The following KDM4C variants were observed in gnomAD, a reference collection of about 807,000 sequenced individuals.
The protein encoded by KDM4C is lysine-specific demethylase 4C.
Under a neutral mutation model 129.3 loss-of-function variants are expected in KDM4C, and 81 were observed. The ratio of observed to expected loss-of-function variants is 0.63; its 90% CI spans 0.52 to 0.75. The LOEUF (loss-of-function observed/expected upper bound fraction) is 0.75, where lower values mean the gene tolerates loss of function less well. Among genes scored for constraint, KDM4C ranks in the 30% least tolerant of loss-of-function variants. KDM4C has a pLI of 0.00. For synonymous variants in KDM4C, 573 were observed against 456.1 expected (o/e 1.26, Z -3.26); for missense variants, 1,457 against 1,304.0 (o/e 1.12, Z -1.81).
chr9:7,161,422 G>T (rs1169727081), intron 19 of KDM4C, among the ~76,000 whole-genome samples: 2 of 152,184 alleles, frequency 1.3e-5, no homozygotes, highest in Non-Finnish European at 2.9e-5. Context: ...CAATCACGCT[G>T]AGAGCTGCAG....
chr9:6,815,880 T>C (rs1831994366), intron 4 of KDM4C, among the ~76,000 whole-genome samples: 1 of 152,244 alleles, frequency 6.6e-6, no homozygotes, highest in Admixed American at 6.5e-5. Context: ...TTTGTGTCTC[T>C]TTATCTCTGT....
At chr9:6,767,142 T>TC (rs961669451) in intron 1 of KDM4C, among the ~76,000 whole-genome samples, 4 of 152,208 alleles carry the variant, frequency 2.6e-5, no homozygotes, top group African/African-American at 9.6e-5. Context: ...TTTTGCTTTT[T>TC]TTTTATTCTT....
At chr9:7,017,086 C>T (rs893849320) in intron 15 of KDM4C, among the ~76,000 whole-genome samples, 4 of 152,150 alleles carry the variant, frequency 2.6e-5, no homozygotes, top group Non-Finnish European at 4.4e-5. Context: ...CAGGCATGCG[C>T]CACCATGCCT....
At chr9:6,925,502 C>G in intron 8 of KDM4C, 3 of 844,990 alleles carry the variant, frequency 3.6e-6, no homozygotes, top group Non-Finnish European at 4.3e-6. Flanking sequence ...CACCATCTTG[C>G]TCATGCTGCT....
At chr9:7,046,407 C>T (rs1013892201) in intron 15 of KDM4C, among the ~76,000 whole-genome samples, 13 of 152,018 alleles carry the variant, frequency 8.6e-5, no homozygotes, top group African/African-American at 3.1e-4. Context: ...TCTTGCTTAT[C>T]CTTGTAGTAG....
chr9:7,097,197 A>G (rs552870544), intron 17 of KDM4C, among the ~76,000 whole-genome samples: 117 of 152,296 alleles, frequency 7.7e-4, no homozygotes, highest in African/African-American at 2.7e-3. Context: ...TCTCTGAGCC[A>G]TGAGGCAGGC....
At chr9:7,101,267 A>C (rs1342215083) in intron 17 of KDM4C, among the ~76,000 whole-genome samples, 1 of 152,192 alleles carries the variant, frequency 6.6e-6, no homozygotes, top group Admixed American at 6.5e-5. Flanking sequence ...AGATGTCTTT[A>C]ACCTACTAGA....
At chr9:7,083,153 T>C (rs1432141689) in intron 17 of KDM4C, among the ~76,000 whole-genome samples, 1 of 152,224 alleles carries the variant, frequency 6.6e-6, no homozygotes, top group Non-Finnish European at 1.5e-5. Context: ...CATATACACA[T>C]TGAGGTTGAG....
intron 2 of KDM4C, among the ~76,000 whole-genome samples, chr9:6,795,718 C>G (rs1368125066): frequency 6.6e-6 from 1 of 151,190 alleles, no homozygotes; most frequent in East Asian, 1.9e-4. Context: ...GTCACCCAAG[C>G]TGGAGTGCAG....
chr9:6,870,672 A>G (rs186327507), intron 5 of KDM4C, among the ~76,000 whole-genome samples: 205 of 152,086 alleles, frequency 1.3e-3, no homozygotes, highest in African/African-American at 4.6e-3. Context: ...TATGCGAGGA[A>G]TGGGGCCGGG....
intron 3 of KDM4C, among the ~76,000 whole-genome samples, chr9:6,807,683 C>T (rs567950745): frequency 4.8e-5 from 7 of 146,780 alleles, no homozygotes; most frequent in Non-Finnish European, 9.0e-5. Context: ...CCCATCCGCC[C>T]GGCAGCTGCC....
intron 18 of KDM4C, among the ~76,000 whole-genome samples, chr9:7,112,913 A>G (rs147736618): frequency 9.5e-4 from 145 of 152,260 alleles, no homozygotes; most frequent in African/African-American, 3.4e-3. Context: ...TTTTTCCTTT[A>G]ACAATTTGGA....
At chr9:7,035,848 C>G (rs1282290084) in intron 15 of KDM4C, among the ~76,000 whole-genome samples, 1 of 152,124 alleles carries the variant, frequency 6.6e-6, no homozygotes, top group African/African-American at 2.4e-5. Context: ...ATGTATGTGT[C>G]TGTTTTTATG....
At chr9:6,954,033 C>G (rs1828635321) in intron 8 of KDM4C, among the ~76,000 whole-genome samples, 1 of 152,180 alleles carries the variant, frequency 6.6e-6, no homozygotes. Context: ...GCGCATAGGA[C>G]TTCTTTGCTT....
intron 1 of KDM4C, among the ~76,000 whole-genome samples, chr9:6,731,381 C>A (rs1323210226): frequency 7.5e-6 from 1 of 133,114 alleles, no homozygotes; most frequent in African/African-American, 2.8e-5. Flanking sequence ...GGCTGGAGTG[C>A]AATGGCACGA....
At chr9:7,041,001 C>T (rs1198075155) in intron 15 of KDM4C, among the ~76,000 whole-genome samples, 2 of 150,970 alleles carry the variant, frequency 1.3e-5, no homozygotes, top group African/African-American at 2.4e-5. Flanking sequence ...CCTTTTAGTA[C>T]TCCAATTATA....
intron 17 of KDM4C, among the ~76,000 whole-genome samples, chr9:7,073,970 T>C (rs1447718485): frequency 3.3e-5 from 5 of 152,206 alleles, no homozygotes; most frequent in Non-Finnish European, 1.5e-5. Context: ...ATGGGTTTTG[T>C]TAACCAGAAA....
chr9:7,068,156 G>T (rs1832700465), intron 17 of KDM4C, among the ~76,000 whole-genome samples: 1 of 152,154 alleles, frequency 6.6e-6, no homozygotes, highest in Non-Finnish European at 1.5e-5. Context: ...TTACCATGCT[G>T]TGTTAGATTT....
chr9:7,162,694 A>G (rs1356849743), intron 19 of KDM4C, among the ~76,000 whole-genome samples: 1 of 152,116 alleles, frequency 6.6e-6, no homozygotes, highest in East Asian at 1.9e-4. Context: ...TTAAAGGTTA[A>G]TAAAGTTCTG....
Sources: gnomAD v4.1 joint callset for allele counts (sites outside exome capture counted in the v4.1 genomes callset) on GRCh38, gnomAD v4.1.1 for gene constraint, MANE v1.5 for transcripts, NCBI Gene and HGNC (gene_info 2026-07-23, HGNC 2026-07-21) for gene names.